Variants in PAPSS1 observed in about 807,000 individuals in gnomAD.
The protein encoded by PAPSS1 is 3'-phosphoadenosine 5'-phosphosulfate synthase 1.
A neutral mutation model predicts 72.0 loss-of-function variants in PAPSS1; 50 were observed. The ratio of observed to expected loss-of-function variants is 0.69; its 90% CI spans 0.55 to 0.88. The LOEUF (loss-of-function observed/expected upper bound fraction) is 0.88. PAPSS1 is among the 40% of genes least tolerant of loss of function. The probability of loss-of-function intolerance (pLI) is 0.00; values close to 1 mark genes in which losing one functional copy is unlikely to be tolerated. For missense variants in PAPSS1, 657 were observed against 782.2 expected (o/e 0.84, Z 1.91); for synonymous variants, 261 against 263.6 (o/e 0.99, Z 0.09).
At position 107,644,844 on chromosome 4, in the gene PAPSS1, C is replaced by T; in HGVS notation, c.1464G>A (p.Val488=). 1 of 1,613,666 alleles carries T rather than the reference C, an allele frequency of 6.2e-7. No homozygotes were observed. The highest frequency in any genetic ancestry group is 8.5e-7 in the Non-Finnish European group (1 of 1,179,826). The change falls in exon 10 of 12, where the codon GTG becomes GTA. Residue 488 remains valine (V), a synonymous_variant. Coordinates refer to ENST00000265174, the MANE Select transcript of PAPSS1 (RefSeq NM_005443.5). ...ACATCATGGGAGATGGGAAGATGGC[C>T]ACCACTGTCGTCTCAGGATTCAGAA... ...EGVLNPETTV[V]AIFPSPMMYA... is the part of the protein sequence containing the mutation.
Position 107,628,601 on chromosome 4 carries a change from A to G in PAPSS1, c.1736+3030T>C, listed in dbSNP as rs980621708. ...ACACTGATAAAAATGTAAATTAAAA[A>G]AATTATCTGTTTTGCTTGTTGTATT... is the stretch of plus-strand genomic sequence containing the variant. On this transcript the variant is annotated intron_variant, in intron 11 of 11. Coordinates refer to ENST00000265174, the MANE Select transcript of PAPSS1 (RefSeq NM_005443.5). 6.6e-5 allele frequency among the ~76,000 whole-genome samples: 10 copies of G among 152,220 alleles called. No individual in the cohort carries two copies. The East Asian group carries it at 1.7e-3, about 26-fold the overall frequency.
At chr4:107,691,606 G>A (rs77098364) in intron 3 of PAPSS1, among the ~76,000 whole-genome samples, 4,282 of 152,230 alleles carry the variant, frequency 0.028, 215 homozygotes, top group African/African-American at 0.097. Context: ...AGCTGTCAAG[G>A]AGCCAGTGGG....
At chr4:107,686,533 A>G (rs1722791348) in intron 4 of PAPSS1, among the ~76,000 whole-genome samples, 2 of 152,258 alleles carry the variant, frequency 1.3e-5, no homozygotes, top group South Asian at 4.1e-4. Context: ...GGTCAGCTGT[A>G]TATATTTTAA....
chr4:107,637,432 G>T (rs1445046535), intron 10 of PAPSS1, among the ~76,000 whole-genome samples: 1 of 151,922 alleles, frequency 6.6e-6, no homozygotes, highest in Non-Finnish European at 1.5e-5. Flanking sequence ...TTATAAAATG[G>T]ACTATACTGC....
chr4:107,688,424 C>T (rs1722842083), intron 3 of PAPSS1, among the ~76,000 whole-genome samples: 1 of 152,130 alleles, frequency 6.6e-6, no homozygotes, highest in African/African-American at 2.4e-5. Context: ...TCACTACACT[C>T]CAGGCTGAGT....
chr4:107,671,276 AAAAACTTAAAATT>A (rs1727460335), intron 5 of PAPSS1, among the ~76,000 whole-genome samples: 1 of 151,814 alleles, frequency 6.6e-6, no homozygotes, highest in Non-Finnish European at 1.5e-5. Flanking sequence ...TTTTTTCAAG[AAAAACTTAAAATT>A]ATCTTCCTCC....
chr4:107,699,186 C>T (rs1336922213), intron 2 of PAPSS1, among the ~76,000 whole-genome samples: 2 of 151,650 alleles, frequency 1.3e-5, no homozygotes, highest in African/African-American at 4.8e-5. Flanking sequence ...ATCTTAGATA[C>T]AATGCAATCC....
intron 9 of PAPSS1, among the ~76,000 whole-genome samples, chr4:107,650,438 T>TATG (rs939846942): frequency 1.5e-4 from 23 of 152,332 alleles, no homozygotes; most frequent in Admixed American, 3.9e-4. Flanking sequence ...ACAGATGTAA[T>TATG]ATGAAAGTCC....
intron 11 of PAPSS1, among the ~76,000 whole-genome samples, chr4:107,615,659 G>C (rs1369039746): frequency 6.6e-6 from 1 of 152,086 alleles, no homozygotes; most frequent in East Asian, 1.9e-4. Flanking sequence ...ATATTACATA[G>C]TCATTAAAGT....
intron 11 of PAPSS1, among the ~76,000 whole-genome samples, chr4:107,630,812 T>C (rs983466331): frequency 2.6e-5 from 4 of 152,198 alleles, no homozygotes; most frequent in African/African-American, 9.6e-5. Context: ...TGTATGCCTC[T>C]AGATACTCAC....
chr4:107,625,791 G>A (rs1012922545), intron 11 of PAPSS1, among the ~76,000 whole-genome samples: 7 of 152,138 alleles, frequency 4.6e-5, no homozygotes, highest in Admixed American at 3.3e-4. Flanking sequence ...CCACAGGAAC[G>A]GATGACCTCT....
chr4:107,636,040 ATACTACTT>A (rs1726370929), intron 10 of PAPSS1, among the ~76,000 whole-genome samples: 1 of 152,228 alleles, frequency 6.6e-6, no homozygotes, highest in Non-Finnish European at 1.5e-5. Context: ...AAACAGTATT[ATACTACTT>A]TGCTCTGCTT....
intron 5 of PAPSS1, among the ~76,000 whole-genome samples, chr4:107,666,346 T>C (rs1259109401): frequency 1.3e-5 from 2 of 152,200 alleles, no homozygotes; most frequent in East Asian, 3.8e-4. Context: ...TAGCAGGCCA[T>C]CTAGTGACCA....
intron 10 of PAPSS1, among the ~76,000 whole-genome samples, chr4:107,634,842 C>T (rs1250058743): frequency 2.1e-5 from 3 of 141,970 alleles, no homozygotes; most frequent in Admixed American, 1.4e-4. Flanking sequence ...CTGTGTCGCC[C>T]AGGCTGGAGT....
intron 1 of PAPSS1, among the ~76,000 whole-genome samples, chr4:107,701,848 G>C (rs558119498): frequency 5.3e-4 from 80 of 152,192 alleles, no homozygotes; most frequent in Non-Finnish European, 9.6e-4. Flanking sequence ...ATGCTAAGAA[G>C]GTGACATTTG....
At chr4:107,684,969 A>AGGGG (rs1722738113) in intron 4 of PAPSS1, among the ~76,000 whole-genome samples, 1 of 151,958 alleles carries the variant, frequency 6.6e-6, no homozygotes, top group South Asian at 2.1e-4. Context: ...GCAGTGGCAC[A>AGGGG]ATTTCGGCTC....
At chr4:107,701,337 C>A in intron 1 of PAPSS1, 52 bp from the exon 2 acceptor site, 1 of 1,105,996 alleles carries the variant, frequency 9.0e-7, no homozygotes, top group Non-Finnish European at 1.4e-6. Flanking sequence ...CTTTAAAAGG[C>A]AAACACATAT....
intron 10 of PAPSS1, among the ~76,000 whole-genome samples, chr4:107,635,965 C>T (rs1387873795): frequency 6.6e-6 from 1 of 152,212 alleles, no homozygotes; most frequent in African/African-American, 2.4e-5. Flanking sequence ...CACAAACTTT[C>T]AAGCTTCCAG....
intron 6 of PAPSS1, among the ~76,000 whole-genome samples, 170 bp from the exon 7 acceptor site, chr4:107,657,177 T>C (rs1727037135): frequency 1.3e-5 from 2 of 152,182 alleles, no homozygotes; most frequent in Non-Finnish European, 2.9e-5. Context: ...AATATTTCCT[T>C]CTCCTATTAA....
Sources: gnomAD v4.1 joint callset for allele counts (sites outside exome capture counted in the v4.1 genomes callset) on GRCh38, gnomAD v4.1.1 for gene constraint, MANE v1.5 for transcripts, NCBI Gene and HGNC (gene_info 2026-07-23, HGNC 2026-07-21) for gene names.